The following WDR47 variants were observed in gnomAD, a reference collection of about 807,000 sequenced individuals.
The protein encoded by WDR47 is WD repeat-containing protein 47.
In WDR47, 32 loss-of-function variants were observed where a neutral mutation model predicts 97.2. The observed-to-expected ratio is 0.33, with a 90% CI of 0.25 to 0.44. The LOEUF is 0.44. Ranked by LOEUF, WDR47 falls within the 20% of genes least tolerant of loss-of-function variation. WDR47 has a pLI of 1.00. For synonymous variants in WDR47, 375 were observed against 373.5 expected (o/e 1.00, Z -0.05); for missense variants, 782 against 1,102.3 (o/e 0.71, Z 4.11).
At chr1:108,988,011 A>T in intron 9 of WDR47, among the ~76,000 whole-genome samples, 1 of 151,632 alleles carries the variant, frequency 6.6e-6, no homozygotes, top group South Asian at 2.1e-4. Flanking sequence ...CGAGTTGGGC[A>T]TATTGCTTGA....
intron 3 of WDR47, among the ~76,000 whole-genome samples, chr1:109,014,418 T>C (rs1661265789): frequency 6.6e-6 from 1 of 151,860 alleles, no homozygotes. Context: ...AACTAGAGAC[T>C]TAAAGCTTTT....
chr1:109,027,606 C>T (rs1422413480), intron 1 of WDR47, among the ~76,000 whole-genome samples: 1 of 152,042 alleles, frequency 6.6e-6, no homozygotes, highest in Non-Finnish European at 1.5e-5. Flanking sequence ...TTACTGCAAC[C>T]TCCGCCTCCC....
At position 108,991,332 on chromosome 1, in the gene WDR47, G is replaced by A. The variant is rs1463136348; in HGVS notation, c.1692-3C>T. On this transcript the variant is annotated splice_polypyrimidine_tract_variant and splice_region_variant and intron_variant, in intron 8 of 14. Transcript: ENST00000369962. ...TAATGACCGAATGTTCTGAAGAGCT[G>A]TGGGAGTAGAAATTCAAGTAAAGTT... The A allele has an allele frequency of 1.4e-5, 22 of 1,608,126 alleles. No individual in the cohort carries two copies. Among genetic ancestry groups the A allele is most frequent in the Non-Finnish European group, 1.8e-5 (21 of 1,176,082 alleles).
At chr1:108,982,269 A>G (rs182118863) in intron 12 of WDR47, among the ~76,000 whole-genome samples, 30 of 152,292 alleles carry the variant, frequency 2.0e-4, no homozygotes, top group Admixed American at 5.9e-4. Context: ...ATGGTGGCTC[A>G]TGCCTGTAAT....
intron 7 of WDR47, among the ~76,000 whole-genome samples, chr1:108,996,892 C>T (rs1466773310): frequency 3.3e-5 from 5 of 151,894 alleles, no homozygotes; most frequent in Admixed American, 2.0e-4. Flanking sequence ...CTGAGGTGGG[C>T]GGATCACTTG....
intron 1 of WDR47, among the ~76,000 whole-genome samples, chr1:109,035,766 G>A (rs1258466221): frequency 6.6e-6 from 1 of 151,540 alleles, no homozygotes; most frequent in African/African-American, 2.4e-5. Flanking sequence ...AAAATGCTGG[G>A]ATTACAGGCA....
Position 108,982,828 on chromosome 1 carries a change from G to A in WDR47, c.2096-49C>T, listed in dbSNP as rs779444711. The A allele has an allele frequency of 2.6e-6, 4 of 1,543,746 alleles. 1 individual carries two copies. The South Asian group carries it at 4.9e-5, about 19-fold the overall frequency. On this transcript the variant is annotated intron_variant, in intron 11 of 14. Transcript: ENST00000369962. Reference sequence around the variant, plus strand: ...AAAAAAAAATGCTGCTCAACTTACTGTGATAACTTGAGATTGCTAAACTAC... The same window carrying A: ...AAAAAAAAATGCTGCTCAACTTACTATGATAACTTGAGATTGCTAAACTAC...
intron 1 of WDR47, among the ~76,000 whole-genome samples, chr1:109,024,009 A>G (rs375807764): frequency 2.0e-5 from 3 of 152,212 alleles, no homozygotes; most frequent in East Asian, 1.9e-4. Context: ...CATTCACTCA[A>G]TAAGTACTTA....
intron 7 of WDR47, among the ~76,000 whole-genome samples, chr1:108,998,833 A>C (rs1441625460): frequency 6.6e-6 from 1 of 152,220 alleles, no homozygotes; most frequent in Non-Finnish European, 1.5e-5. Context: ...AGGAAAAAGC[A>C]CATTTTATAG....
chr1:109,005,741 C>T (rs1243480177), intron 5 of WDR47, among the ~76,000 whole-genome samples: 3 of 151,620 alleles, frequency 2.0e-5, no homozygotes, highest in Non-Finnish European at 2.9e-5. Flanking sequence ...GCGTGGTACG[C>T]GCCTGTAGTC....
At chr1:109,003,559 T>A (rs1307815224) in intron 6 of WDR47, among the ~76,000 whole-genome samples, 2 of 152,174 alleles carry the variant, frequency 1.3e-5, no homozygotes, top group East Asian at 3.9e-4. Flanking sequence ...TGGGATGCAG[T>A]GGTACAATGT....
At chr1:108,986,418 AAAGT>A (rs1658814461) in intron 10 of WDR47, 101 bp downstream of exon 10, 6 of 1,016,144 alleles carry the variant, frequency 5.9e-6, no homozygotes, top group South Asian at 2.9e-5. Context: ...CGAAGGAAAG[AAAGT>A]AAGATTTGAA....
chr1:109,021,526 T>TC (rs1661839675), intron 2 of WDR47, among the ~76,000 whole-genome samples: 1 of 17,874 alleles, frequency 5.6e-5, no homozygotes, highest in South Asian at 2.6e-3. Flanking sequence ...AGCCTCTATC[T>TC]CAAAAAAAAA....
At chr1:108,988,079 G>GAA (rs112511752) in intron 9 of WDR47, among the ~76,000 whole-genome samples, 2 of 136,932 alleles carry the variant, frequency 1.5e-5, no homozygotes, top group African/African-American at 2.7e-5. Context: ...CTATAAAAAT[G>GAA]AAAAAAAAAA....
rs57237933 is a variant in WDR47, at chr1:109,012,572, C to CAAAAAAAAAAAAAAAAAAAA, written c.328-855_328-854insTTTTTTTTTTTTTTTTTTTT. The stretch of plus-strand genomic sequence containing the variant: ...TGGGTGACAGTGTGAGACTCCATCT[C>CAAAAAAAAAAAAAAAAAAAA]AAAAAAAAAAAAAAAAAACAGAAAG... On this transcript the variant is annotated intron_variant, in intron 4 of 14. Coordinates refer to ENST00000369962, the MANE Select transcript of WDR47 (RefSeq NM_001142551.2). Among the ~76,000 whole-genome samples, 60 of 73,832 alleles carry CAAAAAAAAAAAAAAAAAAAA rather than the reference C, an allele frequency of 8.1e-4. 1 individual carries two copies. The highest frequency in any genetic ancestry group is 1.4e-3 in the African/African-American group (23 of 16,738). The allele number at this position is 73,832 out of a possible 152,430, so 48.4% of individuals were successfully genotyped here. A position where few individuals can be genotyped will look rare whatever the true frequency, so the allele number is the denominator to read the frequency against.
chr1:109,021,463 G>A (rs1156744753), intron 2 of WDR47, among the ~76,000 whole-genome samples: 3 of 150,792 alleles, frequency 2.0e-5, no homozygotes, highest in Non-Finnish European at 2.9e-5. Flanking sequence ...AGGAGGTGGA[G>A]GTTGTAGTGA....
At chr1:109,003,819 A>G (rs1438199182) in intron 6 of WDR47, among the ~76,000 whole-genome samples, 1 of 152,262 alleles carries the variant, frequency 6.6e-6, no homozygotes, top group East Asian at 1.9e-4. Context: ...TAAAACTTAT[A>G]CCCTATTTCA....
At chr1:109,030,419 C>G (rs1294122789) in intron 1 of WDR47, 2 of 371,550 alleles carry the variant, frequency 5.4e-6, no homozygotes, top group African/African-American at 4.2e-5. Context: ...AAATGTTCAT[C>G]TGCAATGCGG....
intron 12 of WDR47, 68 bp from the exon 13 acceptor site, chr1:108,981,932 G>A: frequency 6.5e-7 from 1 of 1,536,938 alleles, no homozygotes; most frequent in Non-Finnish European, 8.8e-7. Flanking sequence ...TCAAAGCTAA[G>A]CACTCTAGAG....
Sources: allele counts gnomAD v4.1 joint callset (sites outside exome capture counted in the v4.1 genomes callset), GRCh38; gene constraint gnomAD v4.1.1; transcripts MANE v1.5; gene names NCBI Gene and HGNC (gene_info 2026-07-23, HGNC 2026-07-21).